The following SLC24A3 variants were observed in gnomAD, a reference collection of about 807,000 sequenced individuals.
SLC24A3 encodes the protein solute carrier family 24 member 3, also known as sodium/potassium/calcium exchanger 3.
A neutral mutation model predicts 75.8 loss-of-function variants in SLC24A3; 28 were observed. That is an observed-to-expected ratio of 0.37 (90% CI 0.27 to 0.51). The LOEUF is 0.51. Among genes scored for constraint, SLC24A3 ranks in the 20% least tolerant of loss-of-function variants. The pLI is 0.94. For missense variants in SLC24A3, 663 were observed against 847.8 expected, an observed-to-expected ratio of 0.78 and a Z score of 2.71; for synonymous variants, 372 against 334.1, an observed-to-expected ratio of 1.11 and a Z score of -1.24.
intron 2 of SLC24A3, among the ~76,000 whole-genome samples, chr20:19,401,684 T>C (rs1986554552): frequency 1.3e-5 from 2 of 152,206 alleles, no homozygotes; most frequent in Non-Finnish European, 2.9e-5. Flanking sequence ...CACTTCTTTG[T>C]CCAAGGGCTT....
chr20:19,310,210 A>G (rs1285225791), intron 2 of SLC24A3, among the ~76,000 whole-genome samples: 1 of 152,170 alleles, frequency 6.6e-6, no homozygotes. Context: ...TGTTTCTGCC[A>G]CATTCTAAAC....
At chr20:19,293,760 G>A (rs1983997394) in intron 2 of SLC24A3, among the ~76,000 whole-genome samples, 1 of 151,670 alleles carries the variant, frequency 6.6e-6, no homozygotes, top group African/African-American at 2.4e-5. Flanking sequence ...GAATTCCTCA[G>A]TAATTCCCAC....
chr20:19,663,332 G>C (rs2032351576), intron 7 of SLC24A3, among the ~76,000 whole-genome samples: 1 of 145,564 alleles, frequency 6.9e-6, no homozygotes. Context: ...TCTCAAAGGA[G>C]AAGGATAAAC....
intron 3 of SLC24A3, among the ~76,000 whole-genome samples, chr20:19,544,741 C>G (rs1385256909): frequency 6.6e-6 from 1 of 152,194 alleles, no homozygotes; most frequent in African/African-American, 2.4e-5. Flanking sequence ...TCCTCTTTCT[C>G]TCTCCACATT....
intron 2 of SLC24A3, among the ~76,000 whole-genome samples, chr20:19,350,833 G>A (rs1028362636): frequency 7.9e-5 from 12 of 152,148 alleles, no homozygotes; most frequent in South Asian, 2.1e-4. Context: ...GGTACAGACC[G>A]TGCTGTTTCT....
At chr20:19,558,944 C>T (rs1028108438) in intron 3 of SLC24A3, among the ~76,000 whole-genome samples, 17 of 152,144 alleles carry the variant, frequency 1.1e-4, no homozygotes, top group African/African-American at 4.1e-4. Context: ...CTGTTATGAA[C>T]ATTTATGTAC....
intron 2 of SLC24A3, among the ~76,000 whole-genome samples, chr20:19,440,835 G>T (rs73288796): frequency 0.038 from 5,744 of 152,162 alleles, 350 homozygotes; most frequent in African/African-American, 0.13. Context: ...AAGGGCTCGG[G>T]TGGAGGGCCC....
chr20:19,571,598 T>A (rs532163730), intron 3 of SLC24A3, among the ~76,000 whole-genome samples: 1 of 152,152 alleles, frequency 6.6e-6, no homozygotes, highest in African/African-American at 2.4e-5. Context: ...TCAAGAACAC[T>A]AAATGGTCAA....
intron 2 of SLC24A3, among the ~76,000 whole-genome samples, chr20:19,508,794 C>T (rs1165983777): frequency 2.6e-5 from 4 of 152,260 alleles, no homozygotes; most frequent in Non-Finnish European, 5.9e-5. Context: ...GAATGACTCT[C>T]AGCTGGATGA....
At chr20:19,608,733 A>G (rs6136788) in intron 6 of SLC24A3, among the ~76,000 whole-genome samples, 21,787 of 152,208 alleles carry the variant, frequency 0.14, 1,729 homozygotes, top group East Asian at 0.26. Flanking sequence ...CATTATCTGA[A>G]TCACTGCTGT....
At chr20:19,673,686 C>CT (rs1245178005) in intron 9 of SLC24A3, 32 bp downstream of exon 9, 5 of 1,568,306 alleles carry the variant, frequency 3.2e-6, no homozygotes, top group Non-Finnish European at 4.4e-6. Flanking sequence ...TTATCCAAAA[C>CT]TGTTTCTTGC....
rs140833501 is a variant in SLC24A3 at position 19,690,169 on chromosome 20, A to G, written c.1325-3090A>G. On this transcript the variant is annotated intron_variant, in intron 12 of 16. Coordinates refer to ENST00000328041, the MANE Select transcript of SLC24A3 (RefSeq NM_020689.4). ...TATTTGCTGCATTACATTTAAATAT[A>G]TGATTCAGATAATGCTCATTGAATT... Among the ~76,000 whole-genome samples, 684 of 152,288 alleles carry G rather than the reference A, an allele frequency of 4.5e-3. 4 individuals are homozygous for G. The highest frequency in any genetic ancestry group is 0.016 in the African/African-American group (650 of 41,564).
intron 6 of SLC24A3, among the ~76,000 whole-genome samples, chr20:19,594,124 C>T (rs898603424): frequency 2.0e-5 from 3 of 152,212 alleles, no homozygotes; most frequent in Non-Finnish European, 4.4e-5. Context: ...TGGAAAGCTT[C>T]CCCTGGTAAA....
chr20:19,431,767 G>C (rs560820278), intron 2 of SLC24A3, among the ~76,000 whole-genome samples: 1 of 151,548 alleles, frequency 6.6e-6, no homozygotes, highest in South Asian at 2.1e-4. Flanking sequence ...TGTTAACAAG[G>C]TGTTTTCTCT....
chr20:19,595,775 G>A (rs944457433), intron 6 of SLC24A3, among the ~76,000 whole-genome samples: 9 of 152,192 alleles, frequency 5.9e-5, no homozygotes, highest in Admixed American at 3.3e-4. Flanking sequence ...GTTATTGATG[G>A]AAATGCATTG....
intron 1 of SLC24A3, among the ~76,000 whole-genome samples, chr20:19,278,051 C>T (rs1431866915): frequency 6.6e-6 from 1 of 152,228 alleles, no homozygotes; most frequent in Non-Finnish European, 1.5e-5. Context: ...GTTCTGACCT[C>T]TTCAATGCCA....
chr20:19,305,651 G>A (rs574303573), intron 2 of SLC24A3, among the ~76,000 whole-genome samples: 5 of 152,172 alleles, frequency 3.3e-5, no homozygotes, highest in Admixed American at 1.3e-4. Flanking sequence ...CAAGCAATGG[G>A]GAAAGGACTC....
chr20:19,583,888 C>A (rs1247797998), intron 4 of SLC24A3, among the ~76,000 whole-genome samples: 1 of 152,192 alleles, frequency 6.6e-6, no homozygotes, highest in African/African-American at 2.4e-5. Flanking sequence ...GACAGCGAAG[C>A]GACCCAGGAT....
At chr20:19,394,276 A>T (rs1986414428) in intron 2 of SLC24A3, among the ~76,000 whole-genome samples, 1 of 152,186 alleles carries the variant, frequency 6.6e-6, no homozygotes, top group Non-Finnish European at 1.5e-5. Flanking sequence ...ATAGGAGTAA[A>T]GCTTCCTGCT....
Sources: gnomAD v4.1 joint callset for allele counts (sites outside exome capture counted in the v4.1 genomes callset) on GRCh38, gnomAD v4.1.1 for gene constraint, MANE v1.5 for transcripts, NCBI Gene and HGNC (gene_info 2026-07-23, HGNC 2026-07-21) for gene names.